The following ITGAL variants were observed in gnomAD, a reference collection of about 807,000 sequenced individuals.
ITGAL encodes integrin alpha-L.
ITGAL carries 68 observed loss-of-function variants against 138.4 expected under a neutral mutation model. The observed-to-expected ratio is 0.49, with a 90% CI of 0.40 to 0.60. The LOEUF (loss-of-function observed/expected upper bound fraction) is 0.60. Ranked by LOEUF, ITGAL falls within the 20% of genes least tolerant of loss-of-function variation. ITGAL has a pLI of 0.00. For synonymous variants in ITGAL, 561 were observed against 584.3 expected, an observed-to-expected ratio of 0.96 and a Z score of 0.57; for missense variants, 1,256 against 1,478.6, an observed-to-expected ratio of 0.85 and a Z score of 2.47.
chr16:30,478,959 C>T (rs1179586792), intron 4 of ITGAL, 132 bp from the exon 5 acceptor site: 2 of 711,202 alleles, frequency 2.8e-6, no homozygotes, highest in Non-Finnish European at 5.0e-6. Flanking sequence ...ACATTCCTTG[C>T]CTTGGTAACC....
At chr16:30,508,393 A>G (rs1414196562) in intron 21 of ITGAL, among the ~76,000 whole-genome samples, 2 of 151,346 alleles carry the variant, frequency 1.3e-5, no homozygotes, top group African/African-American at 4.9e-5. Context: ...TTATATTTTT[A>G]GTAGAGATGG....
Position 30,518,830 on chromosome 16 carries a change from C to A in ITGAL, c.3228+111C>A. On this transcript the variant is annotated intron_variant, in intron 29 of 30. Coordinates refer to ENST00000356798, the MANE Select transcript of ITGAL (RefSeq NM_002209.3). ...CTGGGCTCTGTGCGAGTCAGAACTT[C>A]CCACTGCCAGAGCCATCAGCCTGGG... The A allele has an allele frequency of 8.8e-6, 7 of 792,730 alleles. No individual in the cohort carries two copies. In the South Asian group the frequency reaches 1.0e-4, roughly 11 times the overall value. The allele number at this position is 792,730 out of a possible 1,614,324, so 49.1% of individuals were successfully genotyped here.
intron 1 of ITGAL, among the ~76,000 whole-genome samples, chr16:30,473,155 G>A (rs1022136179): frequency 6.6e-6 from 1 of 152,200 alleles, no homozygotes. Flanking sequence ...GATAGGGCCA[G>A]GCGCGGTGGC....
intron 21 of ITGAL, among the ~76,000 whole-genome samples, chr16:30,508,848 G>C (rs1166092759): frequency 6.6e-6 from 1 of 151,834 alleles, no homozygotes; most frequent in Admixed American, 6.6e-5. Context: ...GACAGAGCGA[G>C]ACCTTGTCTC....
intron 11 of ITGAL, among the ~76,000 whole-genome samples, chr16:30,489,772 C>T (rs1025900987): frequency 6.6e-6 from 1 of 151,868 alleles, no homozygotes; most frequent in Non-Finnish European, 1.5e-5. Flanking sequence ...CCTGTCTCTA[C>T]TAAAAATACA....
rs532242597 is a variant in ITGAL, at chr16:30,489,645, A to G, written c.1213+259A>G. On this transcript the variant is annotated intron_variant, in intron 11 of 30. Transcript: ENST00000356798. ...GATAGTAAACAACTTGCCTGTGAAT[A>G]TGCCTTGTAGCTGGTCCTAGTGGCT... Among the ~76,000 whole-genome samples, 3 of 152,320 alleles carry G rather than the reference A, an allele frequency of 2.0e-5. No individual in the cohort carries two copies. In the East Asian group the frequency reaches 5.8e-4, roughly 29 times the overall value.
intron 17 of ITGAL, 127 bp from the exon 18 acceptor site, chr16:30,504,048 T>C (rs2050946791): frequency 2.8e-6 from 2 of 723,842 alleles, no homozygotes; most frequent in Non-Finnish European, 4.8e-6. Flanking sequence ...TTTTCAATAC[T>C]GGTAGGGTCT....
chr16:30,493,824 G>A (rs1567473024), intron 11 of ITGAL, among the ~76,000 whole-genome samples: 2 of 152,104 alleles, frequency 1.3e-5, no homozygotes, highest in Admixed American at 6.6e-5. Context: ...CCCGGGAGGC[G>A]GAGGTTGCAG....
chr16:30,473,170 G>A (rs1323835017), intron 1 of ITGAL, among the ~76,000 whole-genome samples: 1 of 152,154 alleles, frequency 6.6e-6, no homozygotes, highest in Admixed American at 6.6e-5. Flanking sequence ...GGTGGCTCAC[G>A]CCTGTAATCC....
intron 9 of ITGAL, among the ~76,000 whole-genome samples, chr16:30,485,186 C>A (rs1047595462): frequency 7.6e-5 from 10 of 132,028 alleles, no homozygotes; most frequent in South Asian, 4.7e-4. Flanking sequence ...CCCTCTCCTC[C>A]CCCCTTCCTC....
rs1225932509 is a variant in ITGAL at position 30,499,719 on chromosome 16, A to ATATATGTGTATATATATATACG, written c.2145+235_2145+236insGTGTATATATATATACGTATAT. 4.2e-4 allele frequency among the ~76,000 whole-genome samples: 45 copies of ATATATGTGTATATATATATACG among 105,924 alleles called. 2 individuals carry two copies. The highest frequency in any genetic ancestry group is 2.1e-3 in the African/African-American group (42 of 19,940). 69.5% of individuals were successfully genotyped at this position (105,924 alleles called of 152,430 possible). ...TATGTGTATATATATATATGTATAT[A>ATATATGTGTATATATATATACG]TATATATATATATATTTTTTTTTTT... On this transcript the variant is annotated intron_variant, in intron 17 of 30. Coordinates refer to ENST00000356798, the MANE Select transcript of ITGAL (RefSeq NM_002209.3).
intron 21 of ITGAL, among the ~76,000 whole-genome samples, chr16:30,507,326 G>A: frequency 6.6e-6 from 1 of 151,994 alleles, no homozygotes; most frequent in Non-Finnish European, 1.5e-5. Flanking sequence ...GGGCGAGGTG[G>A]CGGGCGCCTG....
chr16:30,493,478 G>A (rs1467453726), intron 11 of ITGAL, among the ~76,000 whole-genome samples: 8 of 151,482 alleles, frequency 5.3e-5, no homozygotes, highest in Non-Finnish European at 7.4e-5. Context: ...GCGTTTCACC[G>A]TGTTAGCCAC....
At chr16:30,483,486 G>T (rs548310788) in intron 7 of ITGAL, among the ~76,000 whole-genome samples, 74 of 152,126 alleles carry the variant, frequency 4.9e-4, no homozygotes, top group Non-Finnish European at 7.9e-4. Context: ...AATCTCACTT[G>T]GATCAATATC....
At chr16:30,486,077 T>C (rs2050642807) in intron 9 of ITGAL, among the ~76,000 whole-genome samples, 1 of 152,122 alleles carries the variant, frequency 6.6e-6, no homozygotes, top group Non-Finnish European at 1.5e-5. Context: ...AGAAGATTTA[T>C]ATTGTGGTCA....
At chr16:30,475,262 A>C in intron 2 of ITGAL, 44 bp from the exon 3 acceptor site, 83 of 1,321,100 alleles carry the variant, frequency 6.3e-5, no homozygotes, top group South Asian at 1.2e-4. Flanking sequence ...GTAGATGGGT[A>C]CAGATCTGGG....
chr16:30,506,661 A>C (rs754944372), intron 20 of ITGAL, 54 bp from the exon 21 acceptor site: 2 of 1,415,970 alleles, frequency 1.4e-6, no homozygotes, highest in Admixed American at 4.1e-5. Context: ...CTCAGTTCTG[A>C]TATTCCCCAC....
At chr16:30,479,533 G>A (rs11862597) in intron 6 of ITGAL, 72 bp downstream of exon 6, 187,804 of 1,466,998 alleles carry the variant, frequency 0.13, 14,528 homozygotes, top group African/African-American at 0.31. Context: ...ACCATGAAAG[G>A]AAATGTTAGT....
In ITGAL at chr16:30,494,187, T is replaced by TCCACACC. The variant is rs2050765201; in HGVS notation, c.1214-18_1214-12dup. 6.4e-7 allele frequency: 1 copy of TCCACACC among 1,565,198 alleles called. No individual in the cohort carries two copies. The highest frequency in any genetic ancestry group is 8.7e-7 in the Non-Finnish European group (1 of 1,146,632). On this transcript the variant is annotated intron_variant, in intron 11 of 30. Transcript: ENST00000356798. This position sits in a 1 kb window ranked among gnomAD's most constrained non-coding sequence, Gnocchi z 4.2. ...TCTTCCAGCATCCTGTGTTCCTAACTCCACACCCCACACACTTTCCTCAGG... is the reference window on the plus strand; with the variant it reads ...TCTTCCAGCATCCTGTGTTCCTAACTCCACACCCCACACCCCACACACTTTCCTCAGG...
Sources: gnomAD v4.1 joint callset for allele counts (sites outside exome capture counted in the v4.1 genomes callset) on GRCh38, gnomAD v4.1.1 for gene constraint, Gnocchi (gnomAD v3.1) non-coding constraint, MANE v1.5 for transcripts, NCBI Gene and HGNC (gene_info 2026-07-23, HGNC 2026-07-21) for gene names.